The following TTC7A variants were observed in gnomAD, a reference collection of about 807,000 sequenced individuals.
TTC7A encodes tetratricopeptide repeat protein 7A.
TTC7A carries 110 observed loss-of-function variants against 103.7 expected under a neutral mutation model. That is an observed-to-expected ratio of 1.06 (90% CI 0.91 to 1.24). The LOEUF (loss-of-function observed/expected upper bound fraction) is 1.24. Ranked by LOEUF, TTC7A falls within the 50% of genes most tolerant of loss-of-function variation. The pLI, the probability that TTC7A is intolerant of heterozygous loss-of-function variation, is 0.00. For synonymous variants in TTC7A, 521 were observed against 467.9 expected (o/e 1.11, Z -1.47); for missense variants, 1,340 against 1,116.3 (o/e 1.20, Z -2.86).
At chr2:47,062,334 T>C (rs1057376908) in intron 19 of TTC7A, among the ~76,000 whole-genome samples, 4 of 152,208 alleles carry the variant, frequency 2.6e-5, no homozygotes, top group African/African-American at 9.7e-5. Flanking sequence ...TTTCTATAGA[T>C]TTCTAACTTA....
At chr2:47,060,325 G>A (rs2692218) in intron 18 of TTC7A, among the ~76,000 whole-genome samples, 73,725 of 151,906 alleles carry the variant, frequency 0.49, 21,220 homozygotes, top group Non-Finnish European at 0.65. Context: ...AGCTGAGATC[G>A]CGCCACTGCA....
intron 18 of TTC7A, among the ~76,000 whole-genome samples, chr2:47,053,021 C>T (rs1005373722): frequency 2.0e-5 from 3 of 152,176 alleles, no homozygotes; most frequent in African/African-American, 4.8e-5. Flanking sequence ...ACATACGGCA[C>T]ATTAGTATGC....
chr2:46,919,748 AGAG>A, intron 2 of TTC7A, among the ~76,000 whole-genome samples: 1 of 152,324 alleles, frequency 6.6e-6, no homozygotes, highest in South Asian at 2.1e-4. Flanking sequence ...CTGCACAAGT[AGAG>A]GAAAAAACAA....
At chr2:47,065,258 G>C (rs984322911) in intron 19 of TTC7A, among the ~76,000 whole-genome samples, 1 of 152,232 alleles carries the variant, frequency 6.6e-6, no homozygotes, top group African/African-American at 2.4e-5. Flanking sequence ...CTGCACTCCA[G>C]CCTGGGTGAC....
intron 11 of TTC7A, among the ~76,000 whole-genome samples, chr2:47,015,462 A>G (rs551641318): frequency 6.6e-6 from 1 of 152,346 alleles, no homozygotes; most frequent in African/African-American, 2.4e-5. Context: ...GGAAAAGTGC[A>G]TAGGCTTTGG....
chr2:46,925,209 G>T (rs1316332801), intron 2 of TTC7A, among the ~76,000 whole-genome samples: 1 of 152,158 alleles, frequency 6.6e-6, no homozygotes. Flanking sequence ...TCCCACCTCA[G>T]CATCCTGAGT....
upstream of TTC7A, among the ~76,000 whole-genome samples, chr2:46,937,541 G>A (rs1456296705): frequency 1.3e-5 from 2 of 152,222 alleles, no homozygotes; most frequent in Non-Finnish European, 2.9e-5. This position sits in a 1 kb window ranked among gnomAD's most constrained non-coding sequence, Gnocchi z 4.0. Context: ...TTATATGCCA[G>A]TAGGGGCCTC....
intron 3 of TTC7A, among the ~76,000 whole-genome samples, chr2:46,966,343 C>T (rs746051871): frequency 6.6e-5 from 10 of 152,142 alleles, no homozygotes; most frequent in South Asian, 2.1e-4. Context: ...TTTGTATTTG[C>T]GGAAACAGAC....
At chr2:47,051,596 C>G in intron 17 of TTC7A, 150 bp from the exon 18 acceptor site, 1 of 986,492 alleles carries the variant, frequency 1.0e-6, no homozygotes, top group East Asian at 2.6e-5. Context: ...CCTAGTGGGT[C>G]TGTGAGCTGC....
Position 47,073,878 on chromosome 2 carries a change from C to T in TTC7A, c.2532C>T (p.Ala844=). Residue 844 remains alanine, a synonymous_variant, in exon 20 of 20, where the codon GCC becomes GCT. Coordinates refer to ENST00000319190, the MANE Select transcript of TTC7A (RefSeq NM_020458.4). ...DCFLTALELE[A]SSPVLPFSII... ...TCCTCACCGCCCTTGAGCTGGAGGC[C>T]AGCAGCCCTGTACTGCCCTTCTCCA... is the stretch of plus-strand genomic sequence containing the variant. 2 of 1,613,510 alleles carry T rather than the reference C, an allele frequency of 1.2e-6. No individual in the cohort carries two copies. The highest frequency in any genetic ancestry group is 4.5e-5 in the East Asian group (2 of 44,880).
intron 2 of TTC7A, among the ~76,000 whole-genome samples, chr2:46,931,052 TCAAA>T (rs2103840696): frequency 6.6e-6 from 1 of 152,294 alleles, no homozygotes; most frequent in East Asian, 1.9e-4. Context: ...GCAATTCAAA[TCAAA>T]CAATATATAA....
At chr2:46,982,834 G>T (rs892143173) in intron 5 of TTC7A, among the ~76,000 whole-genome samples, 1 of 152,106 alleles carries the variant, frequency 6.6e-6, no homozygotes, top group African/African-American at 2.4e-5. Context: ...GGACATCGTG[G>T]TGTGCACCTG....
rs71397101 is a variant in TTC7A at position 46,981,230 on chromosome 2, AT to A, written c.764+2335del. Among the ~76,000 whole-genome samples, 916 of 148,352 alleles carry A rather than the reference AT, an allele frequency of 6.2e-3. 7 individuals carry two copies. Among genetic ancestry groups the A allele is most frequent in the African/African-American group, 0.013 (524 of 40,272 alleles). The stretch of plus-strand genomic sequence containing the variant: ...TTTCTATGTGTAGATACACAGATGT[AT>A]TTTTTTTTTTTAACAACCACAACAA... On this transcript the variant is annotated intron_variant, in intron 5 of 19. Transcript: ENST00000319190.
upstream of TTC7A, chr2:46,916,011 C>T: frequency 1.0e-6 from 1 of 985,486 alleles, no homozygotes; most frequent in Non-Finnish European, 1.2e-6. Context: ...CTCGGCTCCA[C>T]TCCAGTTGGG....
At chr2:46,937,627 AG>A (rs1321893270), upstream of TTC7A, among the ~76,000 whole-genome samples, 3 of 152,240 alleles carry the variant, frequency 2.0e-5, no homozygotes, top group African/African-American at 7.2e-5. The surrounding 1 kb of genome is among the most constrained non-coding windows in gnomAD (Gnocchi z 4.0). Context: ...TTGTAGAGAC[AG>A]GGTCTCACTA....
intron 16 of TTC7A, chr2:47,046,993 C>A (rs1421045933): frequency 1.0e-5 from 4 of 391,376 alleles, no homozygotes; most frequent in African/African-American, 8.3e-5. Context: ...CTTCATGCCT[C>A]CTGTCTCCTG....
intron 2 of TTC7A, among the ~76,000 whole-genome samples, chr2:46,955,408 A>G (rs1671766642): frequency 1.3e-5 from 2 of 152,192 alleles, no homozygotes; most frequent in African/African-American, 2.4e-5. Flanking sequence ...TGGAGAGTTA[A>G]TTAATAGAGA....
intron 2 of TTC7A, among the ~76,000 whole-genome samples, chr2:46,918,950 T>G (rs1488804064): frequency 6.6e-6 from 1 of 152,192 alleles, no homozygotes; most frequent in Non-Finnish European, 1.5e-5. Flanking sequence ...CCCATTTACT[T>G]TGTGTACTCA....
chr2:47,003,085 G>C (rs1677005515), intron 8 of TTC7A, among the ~76,000 whole-genome samples: 1 of 152,186 alleles, frequency 6.6e-6, no homozygotes, highest in Non-Finnish European at 1.5e-5. Flanking sequence ...CCCTCTGCCA[G>C]ACACAAATTC....
Sources: gnomAD v4.1 joint callset for allele counts (sites outside exome capture counted in the v4.1 genomes callset) on GRCh38, gnomAD v4.1.1 for gene constraint, Gnocchi (gnomAD v3.1) non-coding constraint, MANE v1.5 for transcripts, NCBI Gene and HGNC (gene_info 2026-07-23, HGNC 2026-07-21) for gene names.